The following PABPC4L variants were observed in gnomAD, a reference collection of about 807,000 sequenced individuals.
The protein encoded by PABPC4L is poly(A) binding protein cytoplasmic 4 like.
For missense variants in PABPC4L, 452 were observed against 451.4 expected, an observed-to-expected ratio of 1.00 and a Z score of -0.01; for synonymous variants, 169 against 164.1, an observed-to-expected ratio of 1.03 and a Z score of -0.23.
the PABPC4L span, among the ~76,000 whole-genome samples, chr4:134,191,051 G>A: frequency 1.1e-4 from 17 of 152,088 alleles, no homozygotes; most frequent in Non-Finnish European, 2.4e-4. Context: ...TTGATCCCTA[G>A]TTGAATTGCA....
chr4:134,144,231 G>C, the PABPC4L span, among the ~76,000 whole-genome samples: 3 of 151,404 alleles, frequency 2.0e-5, no homozygotes, highest in Non-Finnish European at 4.4e-5. Flanking sequence ...CAATACCTTT[G>C]CAAAAGAAAG....
chr4:134,002,800 A>C, the PABPC4L span, among the ~76,000 whole-genome samples: 34 of 151,992 alleles, frequency 2.2e-4, no homozygotes, highest in African/African-American at 7.2e-4. Context: ...GATACCTTGC[A>C]AAATGTGGAG....
the PABPC4L span, among the ~76,000 whole-genome samples, chr4:133,992,836 T>C: frequency 1.4e-4 from 22 of 152,144 alleles, no homozygotes; most frequent in South Asian, 4.1e-4. Context: ...TCCTGAGTTG[T>C]CTTTGTCAGC....
chr4:133,982,401 A>T, the PABPC4L span, among the ~76,000 whole-genome samples: 1 of 152,012 alleles, frequency 6.6e-6, no homozygotes, highest in African/African-American at 2.4e-5. Flanking sequence ...TCTTTCAACA[A>T]TTATTCAGTA....
chr4:133,950,742 C>T, the PABPC4L span, among the ~76,000 whole-genome samples: 1 of 152,184 alleles, frequency 6.6e-6, no homozygotes, highest in Non-Finnish European at 1.5e-5. Context: ...GGGAAGCTTG[C>T]TTAGCAGCTA....
At chr4:134,051,181 T>G in the PABPC4L span, among the ~76,000 whole-genome samples, 1 of 152,266 alleles carries the variant, frequency 6.6e-6, no homozygotes, top group African/African-American at 2.4e-5. Flanking sequence ...CATGTGTGGA[T>G]AGAAAACAAG....
At chr4:134,138,163 C>T in the PABPC4L span, among the ~76,000 whole-genome samples, 2 of 151,616 alleles carry the variant, frequency 1.3e-5, no homozygotes, top group East Asian at 1.9e-4. Context: ...AAATTAGATA[C>T]CTGAATTAAA....
the PABPC4L span, among the ~76,000 whole-genome samples, chr4:134,107,035 T>A: frequency 2.6e-5 from 4 of 151,490 alleles, no homozygotes; most frequent in Non-Finnish European, 5.9e-5. Flanking sequence ...ATCATTTAAA[T>A]AATAATAATA....
the PABPC4L span, among the ~76,000 whole-genome samples, chr4:134,035,191 G>C: frequency 6.6e-6 from 1 of 151,988 alleles, no homozygotes. Flanking sequence ...TATGTAACTT[G>C]TCTTTTTTAG....
the PABPC4L span, among the ~76,000 whole-genome samples, chr4:134,057,376 T>C: frequency 6.6e-6 from 1 of 152,110 alleles, no homozygotes; most frequent in Non-Finnish European, 1.5e-5. Context: ...ATTGATATAA[T>C]GAGGGAGTGG....
chr4:134,057,559 A>G, the PABPC4L span, among the ~76,000 whole-genome samples: 392 of 152,154 alleles, frequency 2.6e-3, 4 homozygotes, highest in African/African-American at 8.9e-3. Flanking sequence ...GTGTGACCCT[A>G]TTACTGCTCA....
chr4:134,040,775 C>G, the PABPC4L span, among the ~76,000 whole-genome samples: 2 of 152,118 alleles, frequency 1.3e-5, no homozygotes, highest in African/African-American at 4.8e-5. Flanking sequence ...AAACTATCAT[C>G]AGAGTGAACA....
chr4:134,022,191 T>G, the PABPC4L span, among the ~76,000 whole-genome samples: 3 of 152,130 alleles, frequency 2.0e-5, no homozygotes, highest in Non-Finnish European at 4.4e-5. Context: ...TTTATTCTGT[T>G]CAGTCACTTT....
the PABPC4L span, among the ~76,000 whole-genome samples, chr4:134,045,515 A>G: frequency 1.3e-5 from 2 of 152,190 alleles, no homozygotes; most frequent in Admixed American, 1.3e-4. Context: ...AATCATGAGG[A>G]GAAGTGCATA....
the PABPC4L span, among the ~76,000 whole-genome samples, chr4:134,015,324 T>A: frequency 1.3e-5 from 2 of 152,240 alleles, no homozygotes; most frequent in Middle Eastern, 6.8e-3. Flanking sequence ...ATCAACAAAA[T>A]TGTTTTGCCT....
the PABPC4L span, among the ~76,000 whole-genome samples, chr4:133,972,020 A>G: frequency 6.6e-6 from 1 of 152,162 alleles, no homozygotes; most frequent in East Asian, 1.9e-4. Context: ...TTTCTTCACT[A>G]CCATAACCCA....
chr4:133,998,546 T>A, the PABPC4L span, among the ~76,000 whole-genome samples: 1 of 152,048 alleles, frequency 6.6e-6, no homozygotes, highest in Non-Finnish European at 1.5e-5. Context: ...AAAATCATCT[T>A]GAATATTATA....
the PABPC4L span, among the ~76,000 whole-genome samples, chr4:134,060,144 T>C: frequency 6.6e-6 from 1 of 152,186 alleles, no homozygotes; most frequent in South Asian, 2.1e-4. Flanking sequence ...GAGATAGCAT[T>C]TAGACCAGCT....
At chr4:134,086,075 G>T in the PABPC4L span, among the ~76,000 whole-genome samples, 8 of 151,864 alleles carry the variant, frequency 5.3e-5, no homozygotes, top group Non-Finnish European at 8.8e-5. Context: ...AATATTATTG[G>T]TCTTTTTTAC....
Sources: gnomAD v4.1 joint callset for allele counts (sites outside exome capture counted in the v4.1 genomes callset) on GRCh38, gnomAD v4.1.1 for gene constraint, MANE v1.5 for transcripts, NCBI Gene and HGNC (gene_info 2026-07-23, HGNC 2026-07-21) for gene names.